SEL1L2: variants seen among roughly 807,000 people sequenced by gnomAD.
The protein encoded by SEL1L2 is SEL1L2 adaptor subunit of SYVN1 ubiquitin ligase.
In SEL1L2, 89 loss-of-function variants were observed where a neutral mutation model predicts 98.8. The observed-to-expected ratio is 0.90, with a 90% confidence interval of 0.76 to 1.07. The LOEUF is 1.07. Ranked by LOEUF, SEL1L2 falls within the 50% of genes least tolerant of loss-of-function variation. The pLI, the probability that SEL1L2 is intolerant of heterozygous loss-of-function variation, is 0.00. For missense variants in SEL1L2, 788 were observed against 812.0 expected, an observed-to-expected ratio of 0.97 and a Z score of 0.36; for synonymous variants, 262 against 278.5, an observed-to-expected ratio of 0.94 and a Z score of 0.59.
chr20:13,976,384 T>C (rs1346744296), intron 1 of SEL1L2, among the ~76,000 whole-genome samples: 2 of 152,100 alleles, frequency 1.3e-5, no homozygotes, highest in Non-Finnish European at 2.9e-5. Flanking sequence ...ATGAACAACA[T>C]ACTATACTTT....
chr20:13,891,299 C>T (rs1379295035), intron 5 of SEL1L2, among the ~76,000 whole-genome samples: 1 of 152,134 alleles, frequency 6.6e-6, no homozygotes, highest in Non-Finnish European at 1.5e-5. Flanking sequence ...GTCCCTGTAA[C>T]ATTATCAGCA....
intron 1 of SEL1L2, among the ~76,000 whole-genome samples, chr20:13,986,133 T>C (rs2148575526): frequency 6.6e-6 from 1 of 152,344 alleles, no homozygotes; most frequent in Admixed American, 6.5e-5. Context: ...TCAATTCTCT[T>C]GGATATATAC....
chr20:13,871,684 G>A (rs1015846744), intron 12 of SEL1L2, among the ~76,000 whole-genome samples: 6 of 151,276 alleles, frequency 4.0e-5, no homozygotes, highest in East Asian at 1.9e-4. Flanking sequence ...GCTGTTTTTC[G>A]TATTTTTAAT....
intron 2 of SEL1L2, among the ~76,000 whole-genome samples, chr20:13,950,586 T>G (rs1214482050): frequency 6.6e-6 from 1 of 152,194 alleles, no homozygotes; most frequent in Non-Finnish European, 1.5e-5. Context: ...GAAATTTTCA[T>G]CTGGAACAGG....
chr20:13,978,932 G>A (rs967643106), intron 1 of SEL1L2, among the ~76,000 whole-genome samples: 3 of 152,118 alleles, frequency 2.0e-5, no homozygotes, highest in African/African-American at 2.4e-5. Context: ...GATCGTGCAC[G>A]CCTGTAATTT....
chr20:13,884,632 C>T (rs192404505), intron 10 of SEL1L2, among the ~76,000 whole-genome samples: 25 of 152,166 alleles, frequency 1.6e-4, no homozygotes, highest in Admixed American at 7.2e-4. Flanking sequence ...CTCAGCTTCC[C>T]GAGTAGCTGA....
chr20:13,965,431 T>G (rs1438900674), intron 1 of SEL1L2, among the ~76,000 whole-genome samples: 1 of 152,138 alleles, frequency 6.6e-6, no homozygotes, highest in Non-Finnish European at 1.5e-5. Flanking sequence ...TGATTTGCAC[T>G]ACAAGGGCCC....
intron 2 of SEL1L2, among the ~76,000 whole-genome samples, chr20:13,942,858 A>T (rs116266435): frequency 0.014 from 2,076 of 152,264 alleles, 57 homozygotes; most frequent in African/African-American, 0.047. Context: ...CCCTTAAAAT[A>T]AGAGTTTATG....
intron 1 of SEL1L2, among the ~76,000 whole-genome samples, chr20:13,961,153 G>A (rs2050756437): frequency 6.6e-6 from 1 of 152,144 alleles, no homozygotes; most frequent in African/African-American, 2.4e-5. Context: ...AGGGCAGAGT[G>A]GGATTCAAAT....
At chr20:13,857,549 G>A (rs920673133) in intron 18 of SEL1L2, among the ~76,000 whole-genome samples, 1 of 152,226 alleles carries the variant, frequency 6.6e-6, no homozygotes, top group Non-Finnish European at 1.5e-5. Context: ...CCTGTCCCCA[G>A]GGACTCAGGC....
chr20:13,860,805 A>T (rs933859685), intron 17 of SEL1L2, among the ~76,000 whole-genome samples: 2 of 152,002 alleles, frequency 1.3e-5, no homozygotes, highest in Non-Finnish European at 2.9e-5. Flanking sequence ...TCTCTCCCTG[A>T]GGCCCAGGCT....
At chr20:13,901,328 C>G (rs566079270) in intron 5 of SEL1L2, among the ~76,000 whole-genome samples, 1 of 152,228 alleles carries the variant, frequency 6.6e-6, no homozygotes, top group South Asian at 2.1e-4. Flanking sequence ...CCTCAGCCTC[C>G]CAAAGTGCTG....
chr20:13,865,628 G>A (rs1457024710), intron 15 of SEL1L2, 114 bp from the exon 16 acceptor site: 1 of 861,016 alleles, frequency 1.2e-6, no homozygotes, highest in Non-Finnish European at 1.8e-6. Context: ...AAGGATTTTA[G>A]GTCTAAAACA....
chr20:13,871,010 A>T (rs1428829554), intron 12 of SEL1L2, among the ~76,000 whole-genome samples: 1 of 151,456 alleles, frequency 6.6e-6, no homozygotes, highest in Non-Finnish European at 1.5e-5. Context: ...TTAGACTAGG[A>T]ATTGAAGGAG....
chr20:13,938,083 C>CT (rs780844505), intron 2 of SEL1L2, among the ~76,000 whole-genome samples: 10,036 of 137,158 alleles, frequency 0.073, 407 homozygotes, highest in African/African-American at 0.091. Context: ...TTTTTCTTTT[C>CT]TTTTTTTTTT....
At chr20:13,892,173 T>C (rs958681348) in intron 5 of SEL1L2, among the ~76,000 whole-genome samples, 1 of 152,048 alleles carries the variant, frequency 6.6e-6, no homozygotes, top group African/African-American at 2.4e-5. Context: ...ATTTTAGCCA[T>C]CCATTGTGCC....
In SEL1L2 at chr20:13,907,686, T is replaced by TTCCTTCTTTCTTTC. The variant is rs1568944202; in HGVS notation, c.549+6095_549+6096insGAAAGAAAGAAGGA. On this transcript the variant is annotated intron_variant, in intron 5 of 19. Transcript: ENST00000284951. Reference sequence around the variant, plus strand: ...AAATGAGTAATTTCTCTTTTTCTCTTTCTTTCTTTCTTTCTCTTTCTTTCT... The same window carrying TTCCTTCTTTCTTTC: ...AAATGAGTAATTTCTCTTTTTCTCTTTCCTTCTTTCTTTCTCTTTCTTTCTTTCTCTTTCTTTCT... Among the ~76,000 whole-genome samples the TTCCTTCTTTCTTTC allele has an allele frequency of 6.8e-5, 10 of 147,310 alleles. No homozygotes were observed. In the East Asian group the frequency reaches 2.0e-3, roughly 30 times the overall value.
chr20:13,927,362 A>G (rs1211981428), intron 3 of SEL1L2, among the ~76,000 whole-genome samples: 1 of 152,226 alleles, frequency 6.6e-6, no homozygotes, highest in Non-Finnish European at 1.5e-5. Flanking sequence ...ATACAGTGCC[A>G]GGCACAGATC....
intron 3 of SEL1L2, among the ~76,000 whole-genome samples, chr20:13,929,459 G>GTGT (rs1330567510): frequency 7.4e-6 from 1 of 135,220 alleles, no homozygotes; most frequent in East Asian, 2.3e-4. Flanking sequence ...AAAGCCAGGT[G>GTGT]TGTTGGATAT....
Sources: gnomAD v4.1 joint callset for allele counts (sites outside exome capture counted in the v4.1 genomes callset) on GRCh38, gnomAD v4.1.1 for gene constraint, MANE v1.5 for transcripts, NCBI Gene and HGNC (gene_info 2026-07-23, HGNC 2026-07-21) for gene names.